ZNF454: variants seen among roughly 807,000 people sequenced by gnomAD.
The protein encoded by ZNF454 is zinc finger protein 454.
In ZNF454, 30 loss-of-function variants were observed where a neutral mutation model predicts 48.2. The ratio of observed to expected loss-of-function variants is 0.62; its 90% CI spans 0.47 to 0.84. ZNF454 has a LOEUF of 0.84. ZNF454 is among the 40% of genes least tolerant of loss of function. The probability of loss-of-function intolerance (pLI) is 0.00; values close to 1 mark genes in which losing one functional copy is unlikely to be tolerated. For missense variants in ZNF454, 510 were observed against 623.1 expected (o/e 0.82, Z 1.93); for synonymous variants, 204 against 211.4 (o/e 0.97, Z 0.30).
In ZNF454 at chr5:178,942,132, G is replaced by A. The variant is rs1022294828; in HGVS notation, c.-107-553G>A. Among the ~76,000 whole-genome samples, 10 of 150,932 alleles carry A rather than the reference G, an allele frequency of 6.6e-5. No homozygotes were observed. The South Asian group carries it at 1.5e-3, about 22-fold the overall frequency. ...AAAGAGATAATTCTCGGCCGAGTGCGGCGGCTCACGCCTGTAATCCCAGTA... is the reference window on the plus strand; with the variant it reads ...AAAGAGATAATTCTCGGCCGAGTGCAGCGGCTCACGCCTGTAATCCCAGTA... On this transcript the variant is annotated intron_variant, in intron 1 of 4. Coordinates refer to ENST00000519564, the MANE Select transcript of ZNF454 (RefSeq NM_001178089.3).
chr5:178,971,780 C>T, the ZNF454 span, among the ~76,000 whole-genome samples: 8 of 145,304 alleles, frequency 5.5e-5, no homozygotes, highest in South Asian at 2.2e-4. Flanking sequence ...GGTGTGAACC[C>T]GGGAGGTGGA....
At chr5:178,955,057 G>T (rs898747716) in intron 4 of ZNF454, among the ~76,000 whole-genome samples, 14 of 152,246 alleles carry the variant, frequency 9.2e-5, no homozygotes, top group African/African-American at 3.4e-4. Context: ...GTGGGCATAT[G>T]TTCTCATTAG....
At chr5:178,970,901 G>A (rs1276795095), downstream of ZNF454, among the ~76,000 whole-genome samples, 2 of 152,068 alleles carry the variant, frequency 1.3e-5, no homozygotes, top group African/African-American at 2.4e-5. Flanking sequence ...AGCCTGGCCC[G>A]AGCCCCCCAC....
intron 1 of ZNF454, 56 bp from the exon 2 acceptor site, chr5:178,942,629 A>G: frequency 1.5e-6 from 1 of 663,824 alleles, no homozygotes; most frequent in Non-Finnish European, 2.5e-6. Flanking sequence ...GTGAATGCTC[A>G]CTGCCTCGCT....
At chr5:178,957,747 T>G (rs1759835879) in intron 4 of ZNF454, among the ~76,000 whole-genome samples, 1 of 152,194 alleles carries the variant, frequency 6.6e-6, no homozygotes, top group South Asian at 2.1e-4. Context: ...TCTTTTGTAC[T>G]GCAGGCTAAA....
chr5:178,986,319 A>C, the ZNF454 span: 2 of 1,614,062 alleles, frequency 1.2e-6, no homozygotes, highest in South Asian at 1.1e-5. Context: ...CCGCGGCCCC[A>C]GGCTCAGCCA....
chr5:178,986,343 G>A, the ZNF454 span: 1 of 1,614,192 alleles, frequency 6.2e-7, no homozygotes, highest in Non-Finnish European at 8.5e-7. Context: ...TGAGGAAGGT[G>A]ATGGCGTAGA....
At chr5:178,983,018 G>A in the ZNF454 span, 24 of 1,614,116 alleles carry the variant, frequency 1.5e-5, no homozygotes, top group African/African-American at 5.3e-5. Context: ...TGAAGGTCTC[G>A]GGCACGCCAC....
At chr5:178,943,439 G>A (rs1199701197) in intron 2 of ZNF454, among the ~76,000 whole-genome samples, 1 of 152,058 alleles carries the variant, frequency 6.6e-6, no homozygotes, top group Non-Finnish European at 1.5e-5. Context: ...CCATTCACGA[G>A]GGATCTACCC....
chr5:178,986,100 G>C, the ZNF454 span: 1 of 1,602,672 alleles, frequency 6.2e-7, no homozygotes, highest in Non-Finnish European at 8.5e-7. Context: ...CCCCCTCCCT[G>C]CCCTGGCCCT....
rs752619763 is a variant in ZNF454 at position 178,946,449 on chromosome 5, G to A, written c.124G>A (p.Val42Met). The change falls in exon 3 of 5, where the codon GTG becomes ATG. Residue 42 changes from valine to methionine, a missense_variant. Val to Met is a conservative substitution (Grantham distance 21, BLOSUM62 1). Around this residue, in one of 3 missense-constraint regions of ZNF454, gnomAD observed 354 missense variants for 408.9 expected, o/e 0.87. Coordinates refer to ENST00000519564, the MANE Select transcript of ZNF454 (RefSeq NM_001178089.3). This position sits in a 1 kb window ranked among gnomAD's most constrained non-coding sequence, Gnocchi z 4.5. ...SPAQRALYRD[V>M]MLENYSNLVS... ...CGCCCAGAGGGCCCTGTACAGGGACGTGATGCTGGAGAACTACAGCAACCT... is the reference window on the plus strand; with the variant it reads ...CGCCCAGAGGGCCCTGTACAGGGACATGATGCTGGAGAACTACAGCAACCT... The A allele has an allele frequency of 3.1e-6, 5 of 1,605,674 alleles. No homozygotes were observed. Among genetic ancestry groups the A allele is most frequent in the Admixed American group, 3.5e-5 (2 of 56,448 alleles).
the ZNF454 span, chr5:178,985,634 C>T: frequency 6.5e-4 from 242 of 370,670 alleles, 2 homozygotes; most frequent in South Asian, 1.9e-3. Flanking sequence ...ACCCGGAAGG[C>T]AGAGCTTGCA....
rs1759325903 is a variant in ZNF454 at position 178,946,248 on chromosome 5, T to C, written c.34-111T>C. The stretch of plus-strand genomic sequence containing the variant: ...TGTCACAGAACGCCAGCTCCCTGTG[T>C]GCCAGCAGTCCTGTAAATGCGCACA... On this transcript the variant is annotated intron_variant, in intron 2 of 4. Coordinates refer to ENST00000519564, the MANE Select transcript of ZNF454 (RefSeq NM_001178089.3). This position sits in a 1 kb window ranked among gnomAD's most constrained non-coding sequence, Gnocchi z 4.5. The C allele has an allele frequency of 2.7e-6, 4 of 1,457,570 alleles. No individual in the cohort carries two copies. In the East Asian group the frequency reaches 9.4e-5, roughly 34 times the overall value. The allele number at this position is 1,457,570 out of a possible 1,614,324, so 90.3% of individuals were successfully genotyped here.
the ZNF454 span, among the ~76,000 whole-genome samples, chr5:178,974,250 G>GTT: frequency 6.6e-6 from 1 of 152,028 alleles, no homozygotes; most frequent in Non-Finnish European, 1.5e-5. Flanking sequence ...TGTCTTTTAG[G>GTT]TTTTCTTTAG....
chr5:178,961,971 C>T (rs924134326), intron 4 of ZNF454, among the ~76,000 whole-genome samples: 8 of 151,644 alleles, frequency 5.3e-5, no homozygotes, highest in African/African-American at 1.7e-4. Flanking sequence ...TTTAACTTTT[C>T]CATTGCTTTT....
intron 4 of ZNF454, 110 bp downstream of exon 4, chr5:178,947,096 A>G: frequency 1.2e-6 from 1 of 869,362 alleles, no homozygotes; most frequent in Non-Finnish European, 1.8e-6. Flanking sequence ...ATTGAGAAAG[A>G]GCCTGTTTCA....
the ZNF454 span, chr5:178,989,549 G>T: frequency 9.7e-7 from 1 of 1,028,608 alleles, no homozygotes; most frequent in Admixed American, 1.8e-5. Flanking sequence ...GGCCAGGTGA[G>T]CTAGGAGTGG....
chr5:178,966,890 C>T, downstream of ZNF454, among the ~76,000 whole-genome samples: 1 of 152,160 alleles, frequency 6.6e-6, no homozygotes, highest in African/African-American at 2.4e-5. Context: ...GATTCATTTG[C>T]CCCAAATGAC....
chr5:178,968,657 C>T (rs528553628), downstream of ZNF454: 12 of 382,166 alleles, frequency 3.1e-5, no homozygotes, highest in Middle Eastern at 3.7e-4. Context: ...GAAAAAACCA[C>T]GTTCACTGCT....
Sources: allele counts gnomAD v4.1 joint callset (sites outside exome capture counted in the v4.1 genomes callset), GRCh38; gene constraint gnomAD v4.1.1; regional missense constraint gnomAD v4.1.1; non-coding constraint Gnocchi (gnomAD v3.1); transcripts MANE v1.5; gene names NCBI Gene and HGNC (gene_info 2026-07-23, HGNC 2026-07-21).